The following TBC1D22A variants were observed in gnomAD, a reference collection of about 807,000 sequenced individuals.
TBC1D22A encodes putative GTPase activator.
In TBC1D22A, 38 loss-of-function variants were observed where a neutral mutation model predicts 60.2. That is an observed-to-expected ratio of 0.63 (90% CI 0.49 to 0.83). TBC1D22A has a LOEUF of 0.83. TBC1D22A is among the 40% of genes least tolerant of loss of function. The probability of loss-of-function intolerance (pLI) is 0.00; values close to 1 mark genes in which losing one functional copy is unlikely to be tolerated. For synonymous variants in TBC1D22A, 302 were observed against 281.7 expected, an observed-to-expected ratio of 1.07 and a Z score of -0.72; for missense variants, 628 against 701.0, an observed-to-expected ratio of 0.90 and a Z score of 1.18.
intron 8 of TBC1D22A, among the ~76,000 whole-genome samples, chr22:46,933,703 C>T (rs1188577461): frequency 6.6e-6 from 1 of 152,258 alleles, no homozygotes; most frequent in African/African-American, 2.4e-5. Context: ...TCTCTCTCTG[C>T]ACTGCCCGGG....
chr22:46,939,672 T>C (rs565286496), intron 8 of TBC1D22A, among the ~76,000 whole-genome samples: 1 of 152,376 alleles, frequency 6.6e-6, no homozygotes, highest in South Asian at 2.1e-4. Context: ...AGAAGATGAC[T>C]GTCTTCGACA....
Position 46,910,166 on chromosome 22 carries a change from C to T in TBC1D22A, c.901-1908C>T, listed in dbSNP as rs116602459. On this transcript the variant is annotated intron_variant, in intron 7 of 12. Coordinates refer to ENST00000337137, the MANE Select transcript of TBC1D22A (RefSeq NM_014346.5). ...GCGAACATATTCCTCATTCCACCCGCGTCTCTCAGGTGCCTGCTGTGTTAG... is the reference window on the plus strand; with the variant it reads ...GCGAACATATTCCTCATTCCACCCGTGTCTCTCAGGTGCCTGCTGTGTTAG... Among the ~76,000 whole-genome samples the T allele has an allele frequency of 6.3e-3, 958 of 152,282 alleles. 7 individuals carry two copies. Among genetic ancestry groups the T allele is most frequent in the African/African-American group, 0.022 (915 of 41,536 alleles).
chr22:46,895,635 A>T (rs774504117), intron 7 of TBC1D22A, among the ~76,000 whole-genome samples: 13 of 152,076 alleles, frequency 8.5e-5, no homozygotes, highest in South Asian at 2.1e-4. Flanking sequence ...GCCTCCCAAA[A>T]TGCTGGGATT....
intron 8 of TBC1D22A, among the ~76,000 whole-genome samples, chr22:46,941,375 A>G (rs923659251): frequency 1.1e-4 from 16 of 143,622 alleles, no homozygotes; most frequent in Admixed American, 4.2e-4. Context: ...ATATATATAC[A>G]GAATATATAT....
intron 11 of TBC1D22A, among the ~76,000 whole-genome samples, chr22:47,106,745 A>G (rs2065648832): frequency 1.3e-5 from 2 of 152,192 alleles, no homozygotes; most frequent in Non-Finnish European, 2.9e-5. Context: ...AACATATATG[A>G]AAGAACAAGA....
At chr22:46,971,252 G>A (rs1205831735) in intron 8 of TBC1D22A, among the ~76,000 whole-genome samples, 10 of 152,198 alleles carry the variant, frequency 6.6e-5, no homozygotes. Flanking sequence ...CGAGGCTCCT[G>A]CCTGGCTCAC....
chr22:47,015,892 G>GTCTCTTCCTCTTTAA (rs2061896557), intron 10 of TBC1D22A, among the ~76,000 whole-genome samples: 1 of 152,178 alleles, frequency 6.6e-6, no homozygotes, highest in Admixed American at 6.5e-5. Flanking sequence ...ATGTCCATCT[G>GTCTCTTCCTCTTTAA]TCTCTTCCTC....
intron 9 of TBC1D22A, among the ~76,000 whole-genome samples, chr22:46,987,577 T>C (rs1173720610): frequency 6.6e-6 from 1 of 152,238 alleles, no homozygotes; most frequent in African/African-American, 2.4e-5. Flanking sequence ...ATAAAAGTTA[T>C]ATTATACTTT....
intron 4 of TBC1D22A, among the ~76,000 whole-genome samples, chr22:46,816,853 A>T (rs2085623410): frequency 6.6e-6 from 1 of 151,968 alleles, no homozygotes. Context: ...AAAACTGAAA[A>T]CCTTATTCAT....
chr22:47,131,904 TCTGTGGAGCCA>T (rs2066692109), intron 12 of TBC1D22A, among the ~76,000 whole-genome samples: 1 of 152,190 alleles, frequency 6.6e-6, no homozygotes, highest in Non-Finnish European at 1.5e-5. Context: ...TCCCAGCCTG[TCTGTGGAGCCA>T]CTCGAGTTCG....
intron 8 of TBC1D22A, among the ~76,000 whole-genome samples, chr22:46,964,332 TG>T (rs561665484): frequency 1.9e-3 from 282 of 152,278 alleles, no homozygotes; most frequent in African/African-American, 6.4e-3. Context: ...TCTGGGCATG[TG>T]GAGGCCCCTC....
At chr22:47,049,228 T>C (rs1322157870) in intron 11 of TBC1D22A, among the ~76,000 whole-genome samples, 1 of 152,254 alleles carries the variant, frequency 6.6e-6, no homozygotes, top group Non-Finnish European at 1.5e-5. Flanking sequence ...CCTTCGGCTT[T>C]GCGCCACTGT....
chr22:46,773,986 C>T lies in TBC1D22A; in HGVS notation c.62+11138C>T, dbSNP rs892674174. The T allele has an allele frequency of 6.1e-6, 6 of 985,434 alleles. No individual in the cohort carries two copies. The African/African-American group carries it at 1.0e-4, about 17-fold the overall frequency. 61.0% of individuals were successfully genotyped at this position (985,434 alleles called of 1,614,324 possible). A position where few individuals can be genotyped will look rare whatever the true frequency, so the allele number is the denominator to read the frequency against. ...CTTATCTCCTCCATTCCCTAGGGGA[C>T]TTAACAGGTGTTGAAATTATTACAG... On this transcript the variant is annotated intron_variant, in intron 1 of 12. Transcript: ENST00000337137.
intron 4 of TBC1D22A, among the ~76,000 whole-genome samples, chr22:46,873,511 T>TACTTATTTATTTTTAAATTCAGGG (rs1433611260): frequency 2.0e-5 from 3 of 152,206 alleles, no homozygotes; most frequent in Non-Finnish European, 4.4e-5. Flanking sequence ...TTAATTAATT[T>TACTTATTTATTTTTAAATTCAGGG]ACTTATTTAT....
intron 4 of TBC1D22A, among the ~76,000 whole-genome samples, chr22:46,849,585 T>C (rs1184459936): frequency 6.6e-6 from 1 of 152,196 alleles, no homozygotes; most frequent in Non-Finnish European, 1.5e-5. Context: ...CTGCAAGGAT[T>C]GCTGGGAGAG....
intron 12 of TBC1D22A, among the ~76,000 whole-genome samples, chr22:47,128,403 G>T (rs565171234): frequency 3.1e-5 from 4 of 128,704 alleles, no homozygotes; most frequent in African/African-American, 1.2e-4. Context: ...GGCTAGGGGA[G>T]GGAGGAGGAG....
intron 12 of TBC1D22A, among the ~76,000 whole-genome samples, chr22:47,121,951 C>T (rs1569459088): frequency 6.6e-6 from 1 of 152,222 alleles, no homozygotes; most frequent in Non-Finnish European, 1.5e-5. Context: ...GTCCCCACCG[C>T]ATCCAGCCTT....
In TBC1D22A at chr22:46,912,179, G is replaced by A. The variant is rs2069976832; in HGVS notation, c.1006G>A (p.Glu336Lys). ...VTPFFVVFICEYIEAEEVDTV... is the reference protein window; with the variant it reads ...VTPFFVVFICKYIEAEEVDTV... ...TCCTTTCTTTGTGGTCTTCATTTGT[G>A]AATACATAGGTAAGATTTCTTGCAA... Residue 336 changes from glutamate to lysine, a missense_variant, in exon 8 of 13, where the codon GAA becomes AAA. Glu to Lys is a moderately conservative substitution (Grantham distance 56). Coordinates refer to ENST00000337137, the MANE Select transcript of TBC1D22A (RefSeq NM_014346.5). 6.2e-7 allele frequency: 1 copy of A among 1,611,338 alleles called. No homozygotes were observed. The highest frequency in any genetic ancestry group is 8.5e-7 in the Non-Finnish European group (1 of 1,177,930).
At chr22:46,967,411 AT>A (rs1293589488) in intron 8 of TBC1D22A, among the ~76,000 whole-genome samples, 1 of 152,218 alleles carries the variant, frequency 6.6e-6, no homozygotes, top group Non-Finnish European at 1.5e-5. Context: ...AATGCAAAAG[AT>A]TAGATCCATA....
Sources: allele counts gnomAD v4.1 joint callset (sites outside exome capture counted in the v4.1 genomes callset), GRCh38; gene constraint gnomAD v4.1.1; transcripts MANE v1.5; gene names NCBI Gene and HGNC (gene_info 2026-07-23, HGNC 2026-07-21).